Variants in MYOM3 observed in about 807,000 individuals in gnomAD.
MYOM3 encodes myomesin 3.
Under a neutral mutation model 191.7 loss-of-function variants are expected in MYOM3, and 155 were observed. That is an observed-to-expected ratio of 0.81 (90% CI 0.71 to 0.92). The LOEUF is 0.92. Among genes scored for constraint, MYOM3 ranks in the 40% least tolerant of loss-of-function variants. The pLI, the probability that MYOM3 is intolerant of heterozygous loss-of-function variation, is 0.00. For missense variants in MYOM3, 1,889 were observed against 1,890.6 expected (o/e 1.00, Z 0.02); for synonymous variants, 757 against 762.9 (o/e 0.99, Z 0.13).
chr1:24,099,819 C>A (rs539167863), intron 5 of MYOM3, 44 bp from the exon 6 acceptor site: 13 of 1,451,736 alleles, frequency 9.0e-6, no homozygotes, highest in Non-Finnish European at 1.2e-5. Context: ...TGGTTCTAAG[C>A]GGGAGGGGTC....
intron 1 of MYOM3, 25 bp from the exon 2 acceptor site, chr1:24,108,679 A>G (rs1196178000): frequency 6.7e-7 from 1 of 1,498,630 alleles, no homozygotes; most frequent in Non-Finnish European, 8.9e-7. Flanking sequence ...GTCCACGGTC[A>G]TTCCACCAGG....
chr1:24,100,995 A>G (rs1268473448), intron 5 of MYOM3, among the ~76,000 whole-genome samples: 2 of 152,162 alleles, frequency 1.3e-5, no homozygotes, highest in African/African-American at 4.8e-5. Flanking sequence ...TCTCGGGGGA[A>G]ACAGAATTTA....
intron 11 of MYOM3, 39 bp from the exon 12 acceptor site, chr1:24,091,035 A>G: frequency 1.2e-6 from 2 of 1,605,516 alleles, no homozygotes; most frequent in Non-Finnish European, 1.7e-6. Flanking sequence ...CCCTGCCCAC[A>G]ATGCACACCT....
In MYOM3 at chr1:24,057,467, C is replaced by A; in HGVS notation, c.4211G>T (p.Arg1404Leu). The A allele has an allele frequency of 2.5e-6, 4 of 1,614,220 alleles. No individual in the cohort carries two copies. The highest frequency in any genetic ancestry group is 3.4e-6 in the Non-Finnish European group (4 of 1,180,038). The change falls in exon 37 of 37, where the codon CGC becomes CTC. Residue 1404 changes from arginine (R) to leucine (L), a missense_variant. Arg to Leu is a moderately radical substitution (Grantham distance 102). Coordinates refer to ENST00000374434, the MANE Select transcript of MYOM3 (RefSeq NM_152372.4). ...IEKVNSEDSG[R>L]YGVFVKNKYG... Reference sequence around the variant, plus strand: ...CTTGTTCTTGACGAAGACGCCGTAGCGGCCGCTGTCTTCACTGTTGACCTT... The same window carrying A: ...CTTGTTCTTGACGAAGACGCCGTAGAGGCCGCTGTCTTCACTGTTGACCTT...
Position 24,068,490 on chromosome 1 carries a change from C to T in MYOM3, c.3151-123G>A, listed in dbSNP as rs1643482301. On this transcript the variant is annotated intron_variant, in intron 25 of 36. Coordinates refer to ENST00000374434, the MANE Select transcript of MYOM3 (RefSeq NM_152372.4). ...AGCTGTCAGCCTTCAGAGACTGGGG[C>T]TGGCCGTTGGGTAACCCTCTGCTGC... 14 of 1,201,224 alleles carry T rather than the reference C, an allele frequency of 1.2e-5. No homozygotes were observed. In the East Asian group the frequency reaches 3.3e-4, roughly 28 times the overall value. 74.4% of individuals were successfully genotyped at this position (1,201,224 alleles called of 1,614,324 possible).
Position 24,086,705 on chromosome 1 carries a change from G to A in MYOM3, c.1737C>T (p.Asn579=). 6.2e-7 allele frequency: 1 copy of A among 1,614,144 alleles called. No individual in the cohort carries two copies. The highest frequency in any genetic ancestry group is 8.5e-7 in the Non-Finnish European group (1 of 1,180,014). ...CCGAGGGATCGCTCAGGCCATACTG[G>A]TTCATTGCTCGCACTCTGAAGACAT... ...KSYVFRVRAM[N]QYGLSDPSEP... The change falls in exon 15 of 37, where the codon AAC becomes AAT. Residue 579 remains asparagine (N), a synonymous_variant. Coordinates refer to ENST00000374434, the MANE Select transcript of MYOM3 (RefSeq NM_152372.4).
chr1:24,064,369 C>G, intron 29 of MYOM3: 1 of 530,178 alleles, frequency 1.9e-6, no homozygotes, highest in Admixed American at 3.5e-5. Flanking sequence ...ATTCCTAGCT[C>G]GGGGCTTGTC....
intron 9 of MYOM3, among the ~76,000 whole-genome samples, chr1:24,094,461 C>T (rs187924978): frequency 7.0e-4 from 106 of 152,278 alleles, no homozygotes; most frequent in African/African-American, 2.5e-3. Context: ...GCCACCACGC[C>T]TGGCCTCCCT....
In MYOM3 at chr1:24,108,666, A is replaced by G; in HGVS notation, c.-18-12T>C. ...ACGAGAGCAACAACCTGTGAAGGCC[A>G]AGGTCCACGGTCATTCCACCAGGTG... On this transcript the variant is annotated splice_polypyrimidine_tract_variant and intron_variant, in intron 1 of 36. Transcript: ENST00000374434. 6.6e-7 allele frequency: 1 copy of G among 1,526,436 alleles called. No homozygotes were observed. The highest frequency in any genetic ancestry group is 1.4e-5 in the African/African-American group (1 of 70,912). The allele number at this position is 1,526,436 out of a possible 1,614,324, so 94.6% of individuals were successfully genotyped here. A position where few individuals can be genotyped will look rare whatever the true frequency, so the allele number is the denominator to read the frequency against.
At chr1:24,078,264 G>A (rs547861326) in intron 20 of MYOM3, among the ~76,000 whole-genome samples, 6 of 152,032 alleles carry the variant, frequency 3.9e-5, no homozygotes, top group Middle Eastern at 3.4e-3. Context: ...ACAGGCACGC[G>A]CCACCACACA....
chr1:24,093,014 C>A lies in MYOM3; in HGVS notation c.1023G>T (p.Gly341=). ...KVSCTYKEDE[G]LYMVRVPSPF... is the part of the protein sequence containing the mutation. ...GCGAGGGCACCCGGACCATGTAGAG[C>A]CCCTCGTCCTCCTTGTAGGTGCAGG... The change falls in exon 10 of 37, where the codon GGG becomes GGT. Residue 341 remains glycine, a synonymous_variant. Coordinates refer to ENST00000374434, the MANE Select transcript of MYOM3 (RefSeq NM_152372.4). The A allele has an allele frequency of 1.9e-6, 3 of 1,612,832 alleles. No individual in the cohort carries two copies. The highest frequency in any genetic ancestry group is 2.5e-6 in the Non-Finnish European group (3 of 1,179,700).
chr1:24,087,148 GC>G lies in MYOM3; in HGVS notation c.1615-322del, dbSNP rs1219474227. Among the ~76,000 whole-genome samples, 1 of 152,156 alleles carries G rather than the reference GC, an allele frequency of 6.6e-6. No individual in the cohort carries two copies. Among genetic ancestry groups the G allele is most frequent in the Non-Finnish European group, 1.5e-5 (1 of 68,024 alleles). The stretch of plus-strand genomic sequence containing the variant: ...TTGGCCCTTCCTCTCTTTGTCTCAT[GC>G]CCTAAATGTGCTCCATGAATGAACC... On this transcript the variant is annotated intron_variant, in intron 14 of 36. Transcript: ENST00000374434. This position sits in a 1 kb window ranked among gnomAD's most constrained non-coding sequence, Gnocchi z 4.5.
chr1:24,063,591 G>C lies in MYOM3; in HGVS notation c.3623-61C>G, dbSNP rs755506579. On this transcript the variant is annotated intron_variant, in intron 30 of 36. Transcript: ENST00000374434. This position sits in a 1 kb window ranked among gnomAD's most constrained non-coding sequence, Gnocchi z 4.5. ...GGGCTCCCCTAGGGATGTGCTAGGA[G>C]TGGGGACATCCTAGAAAAAGGCTGG... is the stretch of plus-strand genomic sequence containing the variant. The C allele has an allele frequency of 1.3e-6, 2 of 1,592,416 alleles. No homozygotes were observed. The highest frequency in any genetic ancestry group is 1.7e-6 in the Non-Finnish European group (2 of 1,160,834).
At chr1:24,062,943 C>A (rs1643388010) in intron 32 of MYOM3, among the ~76,000 whole-genome samples, 183 bp downstream of exon 32, 1 of 152,194 alleles carries the variant, frequency 6.6e-6, no homozygotes, top group Admixed American at 6.5e-5. Flanking sequence ...ATCCTCAACT[C>A]CTTCTGTGGA....
Position 24,074,255 on chromosome 1 carries a change from A to C in MYOM3, c.2873T>G (p.Leu958Arg). 1 of 1,614,002 alleles carries C rather than the reference A, an allele frequency of 6.2e-7. No homozygotes were observed. The highest frequency in any genetic ancestry group is 1.1e-5 in the South Asian group (1 of 91,084). The change falls in exon 23 of 37, where the codon CTG becomes CGG. Residue 958 changes from leucine (L) to arginine (R), a missense_variant. Physicochemically the swap from Leu to Arg is moderately radical, Grantham distance 102 (BLOSUM62 -2). Transcript: ENST00000374434. ...EDKVNKSKVI[L>R]KEPGLEDLGT... ...CAAATCCTCGAGGCCGGGTTCTTTC[A>C]GGATGACCTTGGACCTGGCAGAGAG... is the stretch of plus-strand genomic sequence containing the variant.
intron 9 of MYOM3, 36 bp from the exon 10 acceptor site, chr1:24,093,144 G>A: frequency 1.3e-6 from 2 of 1,549,896 alleles, no homozygotes. Flanking sequence ...TGAGTTTGTG[G>A]GGGGTCCTGG....
intron 10 of MYOM3, 142 bp from the exon 11 acceptor site, chr1:24,092,457 G>C: frequency 1.6e-6 from 1 of 632,512 alleles, no homozygotes. Context: ...CTGAATATTA[G>C]TCCCACTACC....
chr1:24,087,011 C>T lies in MYOM3; in HGVS notation c.1615-184G>A, dbSNP rs561716818. 4.6e-5 allele frequency among the ~76,000 whole-genome samples: 7 copies of T among 152,280 alleles called. No homozygotes were observed. Among genetic ancestry groups the T allele is most frequent in the South Asian group, 2.1e-4 (1 of 4,822 alleles). On this transcript the variant is annotated intron_variant, in intron 14 of 36. Transcript: ENST00000374434. This position sits in a 1 kb window ranked among gnomAD's most constrained non-coding sequence, Gnocchi z 4.5. Reference sequence around the variant, plus strand: ...CTCACCTCTCCACCCGGATTCCTACCGAGACCTCACGTCCAGCCTGTCCAC... The same window carrying T: ...CTCACCTCTCCACCCGGATTCCTACTGAGACCTCACGTCCAGCCTGTCCAC...
At chr1:24,067,317 T>C (rs150168397) in intron 27 of MYOM3, among the ~76,000 whole-genome samples, 7,378 of 106,168 alleles carry the variant, frequency 0.069, 806 homozygotes, top group African/African-American at 0.15. Flanking sequence ...TCTTTCTTTC[T>C]TTCTTTCCTT....
Sources: gnomAD v4.1 joint callset for allele counts (sites outside exome capture counted in the v4.1 genomes callset) on GRCh38, gnomAD v4.1.1 for gene constraint, Gnocchi (gnomAD v3.1) non-coding constraint, MANE v1.5 for transcripts, NCBI Gene and HGNC (gene_info 2026-07-23, HGNC 2026-07-21) for gene names.